PPP6R2: variants seen among roughly 807,000 people sequenced by gnomAD.
PPP6R2 encodes the protein protein phosphatase 6 regulatory subunit 2.
In PPP6R2, 62 loss-of-function variants were observed where a neutral mutation model predicts 100.2. The ratio of observed to expected loss-of-function variants is 0.62; its 90% CI spans 0.50 to 0.76. The LOEUF (loss-of-function observed/expected upper bound fraction) is 0.76, where lower values mean the gene tolerates loss of function less well. Among genes scored for constraint, PPP6R2 ranks in the 30% least tolerant of loss-of-function variants. The pLI, the probability that PPP6R2 is intolerant of heterozygous loss-of-function variation, is 0.00. For synonymous variants in PPP6R2, 525 were observed against 514.7 expected, an observed-to-expected ratio of 1.02 and a Z score of -0.27; for missense variants, 1,142 against 1,276.3, an observed-to-expected ratio of 0.89 and a Z score of 1.60.
At chr22:50,376,997 A>T (rs1438575437) in intron 2 of PPP6R2, among the ~76,000 whole-genome samples, 1 of 152,214 alleles carries the variant, frequency 6.6e-6, no homozygotes, top group Non-Finnish European at 1.5e-5. Flanking sequence ...ACTGCCCTCC[A>T]GCCTGGGCAA....
In PPP6R2 at chr22:50,444,315, G is replaced by A; in HGVS notation, c.*68G>A. The A allele has an allele frequency of 6.8e-7, 1 of 1,472,546 alleles. No homozygotes were observed. The highest frequency in any genetic ancestry group is 9.1e-7 in the Non-Finnish European group (1 of 1,093,032). The allele number at this position is 1,472,546 out of a possible 1,614,324, so 91.2% of individuals were successfully genotyped here. A position where few individuals can be genotyped will look rare whatever the true frequency, so the allele number is the denominator to read the frequency against. On this transcript the variant is annotated 3_prime_UTR_variant, in exon 24 of 24. Transcript: ENST00000612753. ...TCCTTAATCGAGAAAACTACCTGGT[G>A]ATGCAATCTTTTTTTTTTTTAATTT...
chr22:50,428,573 C>A (rs1336281389), intron 10 of PPP6R2, among the ~76,000 whole-genome samples: 1 of 152,040 alleles, frequency 6.6e-6, no homozygotes, highest in African/African-American at 2.4e-5. Context: ...AAAAATTAGG[C>A]AGGTGTGGTG....
At chr22:50,440,620 G>C (rs572434487) in intron 21 of PPP6R2, among the ~76,000 whole-genome samples, 1 of 152,364 alleles carries the variant, frequency 6.6e-6, no homozygotes, top group African/African-American at 2.4e-5. Context: ...TCATGGGGGA[G>C]GCAACAGGGT....
intron 1 of PPP6R2, among the ~76,000 whole-genome samples, chr22:50,365,818 C>G (rs2048664770): frequency 6.6e-6 from 1 of 151,862 alleles, no homozygotes. Flanking sequence ...CAACCTCAAA[C>G]TCCAGGCCTC....
intron 5 of PPP6R2, among the ~76,000 whole-genome samples, chr22:50,414,949 G>A (rs2060318280): frequency 6.6e-6 from 1 of 152,242 alleles, no homozygotes; most frequent in African/African-American, 2.4e-5. Flanking sequence ...CTGTGAAGAG[G>A]CCGAAATGGA....
chr22:50,434,348 GC>G (rs1603401418), intron 12 of PPP6R2, among the ~76,000 whole-genome samples: 1 of 70,596 alleles, frequency 1.4e-5, no homozygotes, highest in Non-Finnish European at 2.6e-5. Flanking sequence ...AGGGCCGGGG[GC>G]ATGGATGCTG....
At position 50,444,186 on chromosome 22, in the gene PPP6R2, C is replaced by G. The variant is rs375642419; in HGVS notation, c.2832-13C>G. ...GCAGCCCGCACGGTTCCAACCCCAC[C>G]CCATTCCTGCAGGAAGACAGATGCC... On this transcript the variant is annotated splice_polypyrimidine_tract_variant and intron_variant, in intron 23 of 23. Transcript: ENST00000612753. 1 of 1,612,806 alleles carries G rather than the reference C, an allele frequency of 6.2e-7. No individual in the cohort carries two copies. The highest frequency in any genetic ancestry group is 1.3e-5 in the African/African-American group (1 of 75,014).
At chr22:50,412,178 A>C (rs1288972601) in intron 4 of PPP6R2, among the ~76,000 whole-genome samples, 1 of 151,830 alleles carries the variant, frequency 6.6e-6, no homozygotes, top group East Asian at 1.9e-4. Flanking sequence ...TTATGGGCTC[A>C]AAAAAAATAG....
At chr22:50,383,818 C>G (rs2053614729) in intron 2 of PPP6R2, among the ~76,000 whole-genome samples, 1 of 152,042 alleles carries the variant, frequency 6.6e-6, no homozygotes, top group Non-Finnish European at 1.5e-5. Flanking sequence ...GGGCGGATCA[C>G]CTGAGGTCAG....
intron 2 of PPP6R2, among the ~76,000 whole-genome samples, chr22:50,389,342 G>A (rs1393678576): frequency 6.6e-6 from 1 of 152,218 alleles, no homozygotes; most frequent in Non-Finnish European, 1.5e-5. Flanking sequence ...CCCTGTAGGT[G>A]AGGGCCAACC....
In PPP6R2 at chr22:50,406,798, G is replaced by A; in HGVS notation, c.337G>A (p.Glu113Lys). ...CCTCCTGTACGACTTCTTGGACCAT[G>A]AGCCGCCTCTCAATCCTCTGCTCGC... ...LSLLYDFLDH[E>K]PPLNPLLASF... The change falls in exon 4 of 24, where the codon GAG (glutamate) becomes AAG (lysine). Residue 113 changes from glutamate (E) to lysine (K), a missense_variant. Around this residue, in one of 2 missense-constraint regions of PPP6R2, gnomAD observed 592 missense variants for 758.9 expected, o/e 0.78. Coordinates refer to ENST00000612753, the MANE Select transcript of PPP6R2 (RefSeq NM_001242898.2). The A allele has an allele frequency of 2.5e-6, 4 of 1,614,158 alleles. No homozygotes were observed. The East Asian group carries it at 6.7e-5, about 27-fold the overall frequency.
intron 1 of PPP6R2, among the ~76,000 whole-genome samples, chr22:50,348,491 C>T (rs1387517302): frequency 6.6e-6 from 1 of 152,114 alleles, no homozygotes; most frequent in Non-Finnish European, 1.5e-5. Context: ...CCCATCAACC[C>T]TTCTAGGCTT....
Position 50,427,922 on chromosome 22 carries a change from A to T in PPP6R2, c.1126-3251A>T, listed in dbSNP as rs553470421. Among the ~76,000 whole-genome samples, 6 of 152,162 alleles carry T rather than the reference A, an allele frequency of 3.9e-5. No homozygotes were observed. In the East Asian group the frequency reaches 1.2e-3, roughly 29 times the overall value. On this transcript the variant is annotated intron_variant, in intron 10 of 23. Coordinates refer to ENST00000612753, the MANE Select transcript of PPP6R2 (RefSeq NM_001242898.2). ...TTTTTAGTAGAGACAGGGTTTCACC[A>T]TATTAGCCAGGACGGTCTCGATCTC...
chr22:50,425,455 G>A (rs1012275495), intron 10 of PPP6R2, among the ~76,000 whole-genome samples: 1 of 152,200 alleles, frequency 6.6e-6, no homozygotes, highest in Admixed American at 6.5e-5. Context: ...TGCTGTATAT[G>A]TGGGTGTACA....
intron 2 of PPP6R2, among the ~76,000 whole-genome samples, chr22:50,373,643 C>G (rs1412771076): frequency 2.0e-5 from 3 of 152,054 alleles, no homozygotes; most frequent in Admixed American, 6.6e-5. Context: ...CCATGTACAC[C>G]TAGGCTGAAA....
At chr22:50,402,827 A>G (rs1442317683) in intron 3 of PPP6R2, among the ~76,000 whole-genome samples, 4 of 152,218 alleles carry the variant, frequency 2.6e-5, no homozygotes, top group Non-Finnish European at 5.9e-5. Context: ...TTGATAAAGG[A>G]AAAAAGAAAA....
At chr22:50,370,480 G>T (rs577115592) in intron 1 of PPP6R2, among the ~76,000 whole-genome samples, 1 of 151,462 alleles carries the variant, frequency 6.6e-6, no homozygotes, top group Non-Finnish European at 1.5e-5. Context: ...GTAGAGATGG[G>T]GTTTCACTAT....
In PPP6R2 at chr22:50,414,617, A is replaced by C. The variant is rs777811964; in HGVS notation, c.480A>C (p.Ser160=). 1.2e-6 allele frequency: 2 copies of C among 1,613,896 alleles called. No homozygotes were observed. The highest frequency in any genetic ancestry group is 1.7e-5 in the Admixed American group (1 of 60,008). The change falls in exon 5 of 24, where the codon TCA becomes TCC. Residue 160 remains serine, a synonymous_variant. Transcript: ENST00000612753. The part of the protein sequence containing the change: ...ISLVLKHIGT[S]ALMDLLLRLV... ...TGGTGTTGAAGCACATCGGCACCTC[A>C]GCGCTTATGGACCTGCTGCTGCGCC...
intron 3 of PPP6R2, among the ~76,000 whole-genome samples, chr22:50,395,753 G>GA (rs2148920295): frequency 1.3e-5 from 2 of 151,906 alleles, no homozygotes; most frequent in Non-Finnish European, 2.9e-5. Context: ...TTTTTGTAGA[G>GA]ACGGGGTTTC....
Sources: allele counts gnomAD v4.1 joint callset (sites outside exome capture counted in the v4.1 genomes callset), GRCh38; gene constraint gnomAD v4.1.1; regional missense constraint gnomAD v4.1.1; transcripts MANE v1.5; gene names NCBI Gene and HGNC (gene_info 2026-07-23, HGNC 2026-07-21).